The following GRIP1 variants were observed in gnomAD, a reference collection of about 807,000 sequenced individuals.
GRIP1 encodes glutamate receptor interacting protein 1.
GRIP1 carries 45 observed loss-of-function variants against 129.9 expected under a neutral mutation model. That is an observed-to-expected ratio of 0.35 (90% CI 0.27 to 0.44). The LOEUF (loss-of-function observed/expected upper bound fraction) is 0.44. Among genes scored for constraint, GRIP1 ranks in the 20% least tolerant of loss-of-function variants. The pLI, the probability that GRIP1 is intolerant of heterozygous loss-of-function variation, is 1.00. For synonymous variants in GRIP1, 530 were observed against 520.8 expected, an observed-to-expected ratio of 1.02 and a Z score of -0.24; for missense variants, 1,196 against 1,396.8, an observed-to-expected ratio of 0.86 and a Z score of 2.29.
At chr12:66,749,997 T>G (rs989115791) in intron 1 of GRIP1, among the ~76,000 whole-genome samples, 5 of 152,216 alleles carry the variant, frequency 3.3e-5, no homozygotes, top group Admixed American at 6.6e-5. Context: ...TGAGGTAATC[T>G]GTACTGATTC....
intron 13 of GRIP1, among the ~76,000 whole-genome samples, chr12:66,434,008 G>C (rs1166521025): frequency 6.6e-6 from 1 of 152,210 alleles, no homozygotes; most frequent in Non-Finnish European, 1.5e-5. Context: ...CATGGAAAGA[G>C]AGAGAGGACT....
chr12:67,037,057 C>A (rs775899435), intron 1 of GRIP1, among the ~76,000 whole-genome samples: 1 of 152,004 alleles, frequency 6.6e-6, no homozygotes, highest in African/African-American at 2.4e-5. Flanking sequence ...TCAGGCCAGG[C>A]GCAGTGGCTC....
chr12:67,050,644 C>T (rs913239297), intron 1 of GRIP1, among the ~76,000 whole-genome samples: 3 of 152,234 alleles, frequency 2.0e-5, no homozygotes, highest in South Asian at 4.2e-4. Flanking sequence ...GGGAATTATA[C>T]CTGCTCTTAA....
At chr12:66,797,684 G>T (rs2038740617) in intron 1 of GRIP1, among the ~76,000 whole-genome samples, 1 of 152,156 alleles carries the variant, frequency 6.6e-6, no homozygotes, top group East Asian at 1.9e-4. Context: ...GAAACTAGCT[G>T]ATCTGAGTTC....
intron 7 of GRIP1, among the ~76,000 whole-genome samples, chr12:66,511,932 A>C (rs1209645516): frequency 6.6e-6 from 1 of 151,994 alleles, no homozygotes; most frequent in Admixed American, 6.6e-5. Context: ...TGCTGGAGGG[A>C]CCTGGTGGGA....
intron 15 of GRIP1, among the ~76,000 whole-genome samples, chr12:66,406,881 C>T (rs544199923): frequency 1.6e-4 from 25 of 152,232 alleles, no homozygotes; most frequent in African/African-American, 6.0e-4. Flanking sequence ...TCTGCTACTT[C>T]CACTTGCATC....
intron 24 of GRIP1, among the ~76,000 whole-genome samples, chr12:66,351,918 T>C (rs2054244875): frequency 6.6e-6 from 1 of 152,174 alleles, no homozygotes; most frequent in South Asian, 2.1e-4. Context: ...CTCTAGGTGA[T>C]TCCATTTTTT....
At chr12:66,956,353 T>C (rs1015070621) in intron 1 of GRIP1, among the ~76,000 whole-genome samples, 2 of 152,152 alleles carry the variant, frequency 1.3e-5, no homozygotes, top group Admixed American at 6.5e-5. Flanking sequence ...TGGAGTGTGG[T>C]GAGGTAAATT....
At chr12:66,356,410 AGTT>A (rs2054490267) in intron 23 of GRIP1, among the ~76,000 whole-genome samples, 1 of 152,178 alleles carries the variant, frequency 6.6e-6, no homozygotes, top group South Asian at 2.1e-4. Flanking sequence ...CCTAGCACAC[AGTT>A]GTTTAATAAA....
chr12:66,365,656 G>T (rs763894068), intron 23 of GRIP1, among the ~76,000 whole-genome samples: 29 of 152,194 alleles, frequency 1.9e-4, no homozygotes, highest in Non-Finnish European at 3.8e-4. Flanking sequence ...TACAGGGAGA[G>T]AATTTGCTGG....
chr12:66,416,072 A>G (rs1032195776), intron 15 of GRIP1, among the ~76,000 whole-genome samples: 2 of 152,134 alleles, frequency 1.3e-5, no homozygotes, highest in Non-Finnish European at 2.9e-5. Flanking sequence ...CTGGAACTTA[A>G]AATAAAATTT....
At chr12:66,577,348 T>C (rs936214279) in intron 2 of GRIP1, among the ~76,000 whole-genome samples, 12 of 152,306 alleles carry the variant, frequency 7.9e-5, no homozygotes, top group African/African-American at 2.6e-4. Flanking sequence ...AAGTTTCCTG[T>C]GTCTAAAAAT....
chr12:66,965,548 A>ATT (rs1330508941), intron 1 of GRIP1, among the ~76,000 whole-genome samples: 1 of 97,068 alleles, frequency 1.0e-5, no homozygotes, highest in Non-Finnish European at 2.0e-5. Flanking sequence ...GAAAAGAAAC[A>ATT]TTGTGTGTGT....
chr12:66,407,114 A>G (rs531309309), intron 15 of GRIP1, among the ~76,000 whole-genome samples: 13 of 152,338 alleles, frequency 8.5e-5, no homozygotes, highest in Non-Finnish European at 1.9e-4. Flanking sequence ...TTGTAAGAAC[A>G]GCCTTTTATG....
At chr12:66,364,995 C>T (rs1305268672) in intron 23 of GRIP1, among the ~76,000 whole-genome samples, 1 of 152,110 alleles carries the variant, frequency 6.6e-6, no homozygotes, top group Non-Finnish European at 1.5e-5. Flanking sequence ...TTGTCTCAGT[C>T]ATTTTCTCTG....
intron 11 of GRIP1, 151 bp from the exon 12 acceptor site, chr12:66,445,659 G>C: frequency 3.3e-6 from 2 of 609,242 alleles, no homozygotes; most frequent in Non-Finnish European, 2.9e-6. Flanking sequence ...AGTTGAAAAA[G>C]ATAAATGAAT....
At chr12:66,929,858 G>A (rs912115383) in intron 1 of GRIP1, among the ~76,000 whole-genome samples, 54 of 152,038 alleles carry the variant, frequency 3.6e-4, no homozygotes, top group African/African-American at 1.3e-3. Context: ...TTATCTCAGT[G>A]CCTTTTTTCT....
Position 66,929,269 on chromosome 12 carries a change from TCA to T in GRIP1, c.58+139779_58+139780del, listed in dbSNP as rs375454120. Among the ~76,000 whole-genome samples, 196 of 152,334 alleles carry T rather than the reference TCA, an allele frequency of 1.3e-3. 2 individuals are homozygous for T. Among genetic ancestry groups the T allele is most frequent in the African/African-American group, 4.5e-3 (189 of 41,566 alleles). On this transcript the variant is annotated intron_variant, in intron 1 of 1. Transcript: ENST00000643019. ...ACTCTGCATGGCTGGTTTCATCCTA[TCA>T]CTCATGTCTCACCTCAAACATCACT...
At chr12:66,825,385 T>G (rs975104630) in intron 1 of GRIP1, among the ~76,000 whole-genome samples, 1 of 152,152 alleles carries the variant, frequency 6.6e-6, no homozygotes, top group Non-Finnish European at 1.5e-5. Context: ...TCACGCATGA[T>G]CATATTATTT....
Sources: allele counts gnomAD v4.1 joint callset (sites outside exome capture counted in the v4.1 genomes callset), GRCh38; gene constraint gnomAD v4.1.1; transcripts MANE v1.5; gene names NCBI Gene and HGNC (gene_info 2026-07-23, HGNC 2026-07-21).